The following DGKK variants were observed in gnomAD, a reference collection of about 807,000 sequenced individuals.
DGKK encodes the protein 142 kDa diacylglycerol kinase.
A neutral mutation model predicts 92.2 loss-of-function variants in DGKK; 35 were observed. That is an observed-to-expected ratio of 0.38 (90% confidence interval 0.29 to 0.50). The LOEUF is 0.50. DGKK is among the 20% of genes least tolerant of loss of function. The probability of loss-of-function intolerance (pLI) is 0.92; values close to 1 mark genes in which losing one functional copy is unlikely to be tolerated. For synonymous variants in DGKK, 368 were observed against 360.6 expected (o/e 1.02, Z -0.23); for missense variants, 910 against 992.2 (o/e 0.92, Z 1.11).
chrX:50,432,264 G>A (rs1471810521), intron 1 of DGKK, among the ~76,000 whole-genome samples: 1 of 112,363 alleles, frequency 8.9e-6, no homozygotes, highest in East Asian at 2.8e-4. Flanking sequence ...ATAGATGAAC[G>A]TCTGTGTCCC....
rs1162284154 is a variant in DGKK, at chrX:50,391,704, A to T, written c.1705-128T>A. ...AACCAGTGGATTTACGGGACTTCAGATTCTGGGGAAGGTAATGAGAGGATG... is the reference window on the plus strand; with the variant it reads ...AACCAGTGGATTTACGGGACTTCAGTTTCTGGGGAAGGTAATGAGAGGATG... On this transcript the variant is annotated intron_variant, in intron 10 of 27. Transcript: ENST00000611977. The T allele has an allele frequency of 4.0e-6, 3 of 748,115 alleles. No homozygotes were observed. The African/African-American group carries it at 6.4e-5, about 16-fold the overall frequency. 61.7% of individuals were successfully genotyped at this position (748,115 alleles called of 1,213,427 possible).
chrX:50,369,091 A>C, intron 27 of DGKK, 72 bp from the exon 28 acceptor site: 2 of 778,573 alleles, frequency 2.6e-6, no homozygotes, highest in Non-Finnish European at 3.8e-6. Context: ...ATGTGGACCC[A>C]AAAGAGAGCA....
intron 11 of DGKK, 128 bp downstream of exon 11, chrX:50,391,309 G>T: frequency 2.2e-6 from 2 of 913,476 alleles, no homozygotes; most frequent in Admixed American, 2.7e-5. Flanking sequence ...CCCACAAATG[G>T]CTCTGCACTG....
intron 25 of DGKK, among the ~76,000 whole-genome samples, chrX:50,372,259 A>T (rs1924154904): frequency 8.9e-6 from 1 of 111,894 alleles, no homozygotes; most frequent in South Asian, 3.8e-4. Context: ...CGGTAACCTT[A>T]CAATACCTTA....
At position 50,379,627 on chromosome X, in the gene DGKK, C is replaced by T. The variant is rs782426023; in HGVS notation, c.2862G>A (p.Thr954=). The part of the protein sequence containing the change: ...INFWGSNTAT[T]EYEAPAIDDG... ...TCCCCATTCCTTGTTCCATACTAAC[C>T]GTGGTTGCTGTGTTGCTTCCCCAGA... is the stretch of plus-strand genomic sequence containing the variant. Residue 954 remains threonine (T), a splice_region_variant and synonymous_variant, in exon 20 of 28, where the codon ACG becomes ACA. Transcript: ENST00000611977. The T allele has an allele frequency of 2.5e-6, 3 of 1,202,567 alleles. No homozygotes were observed. Among genetic ancestry groups the T allele is most frequent in the South Asian group, 3.5e-5 (2 of 56,704 alleles).
At chrX:50,384,374 T>A in intron 16 of DGKK, 110 bp from the exon 17 acceptor site, 1 of 493,433 alleles carries the variant, frequency 2.0e-6, no homozygotes, top group Non-Finnish European at 3.3e-6. Flanking sequence ...GCTCAGTGAC[T>A]TTCTCCTAGA....
chrX:50,439,344 G>A (rs905796252), intron 1 of DGKK, among the ~76,000 whole-genome samples: 1 of 111,431 alleles, frequency 9.0e-6, no homozygotes, highest in Non-Finnish European at 1.9e-5. Context: ...TATTAGGTGT[G>A]TGTCCTTGGG....
chrX:50,464,581 C>CT (rs1161921481), intron 1 of DGKK, among the ~76,000 whole-genome samples: 4 of 108,234 alleles, frequency 3.7e-5, no homozygotes, highest in East Asian at 2.9e-4. Context: ...TCCTTAATTT[C>CT]TTTTTTTTTA....
Position 50,368,957 on chromosome X carries a change from A to G in DGKK, c.3799T>C (p.Ser1267Pro). Residue 1267 changes from serine to proline, a missense_variant, in exon 28 of 28, where the codon TCG (serine) becomes CCG (proline). Ser to Pro is a moderately conservative substitution (Grantham distance 74). Transcript: ENST00000611977. ...TTCAAGGGCTACAGTTGAGATCTCG[A>G]TGGTGTTAGAGGATCATCACCCTCT... ...EAEGDDPLTP[S>P]RSQL is the part of the protein sequence containing the mutation. 3 of 1,207,338 alleles carry G rather than the reference A, an allele frequency of 2.5e-6. No individual in the cohort carries two copies. Among genetic ancestry groups the G allele is most frequent in the Non-Finnish European group, 3.4e-6 (3 of 893,350 alleles).
Position 50,393,218 on chromosome X carries a change from C to T in DGKK, c.1529G>A (p.Arg510Gln), listed in dbSNP as rs373977703. 1.6e-5 allele frequency: 19 copies of T among 1,208,147 alleles called. No individual in the cohort carries two copies. Among genetic ancestry groups the T allele is most frequent in the East Asian group, 8.9e-5 (3 of 33,743 alleles). Residue 510 changes from arginine (R) to glutamine (Q), a missense_variant, in exon 9 of 28, where the codon CGA becomes CAA. By Grantham distance (43) the Arg-to-Gln change is conservative. Coordinates refer to ENST00000611977, the MANE Select transcript of DGKK (RefSeq NM_001013742.4). ...SGDHQGIVFL[R>Q]KFKQYLNPSQ... ...TGGGTTAAGGTATTGCTTGAATTTTCGGAGGAAGACGATCCCCTGATGATC... is the reference window on the plus strand; with the variant it reads ...TGGGTTAAGGTATTGCTTGAATTTTTGGAGGAAGACGATCCCCTGATGATC...
chrX:50,425,358 T>TAAAA (rs200662307), intron 1 of DGKK, among the ~76,000 whole-genome samples: 21 of 108,090 alleles, frequency 1.9e-4, no homozygotes, highest in African/African-American at 5.1e-4. Flanking sequence ...TCTTTTTTTT[T>TAAAA]AAAAAAAATT....
At chrX:50,390,943 T>A (rs1275794988) in intron 11 of DGKK, among the ~76,000 whole-genome samples, 1 of 111,908 alleles carries the variant, frequency 8.9e-6, no homozygotes, top group East Asian at 2.8e-4. Context: ...ATCCCTTTTT[T>A]AGTTTCTTTG....
chrX:50,427,316 A>G (rs1193848694), intron 1 of DGKK, among the ~76,000 whole-genome samples: 1 of 111,025 alleles, frequency 9.0e-6, no homozygotes, highest in African/African-American at 3.3e-5. Context: ...CTATAGGGAC[A>G]GTAAAAAAAC....
chrX:50,395,877 G>A (rs1456673941), intron 8 of DGKK, among the ~76,000 whole-genome samples: 1 of 109,886 alleles, frequency 9.1e-6, no homozygotes, highest in African/African-American at 3.3e-5. Context: ...AAGAATGGAC[G>A]TGCTGAGTGA....
chrX:50,402,396 C>T (rs370754635), intron 7 of DGKK, among the ~76,000 whole-genome samples: 6 of 111,407 alleles, frequency 5.4e-5, no homozygotes, highest in African/African-American at 6.5e-5. Flanking sequence ...CCAGCCTGGG[C>T]GGCATAGTGA....
chrX:50,384,107 A>G (rs782203411), intron 17 of DGKK, 61 bp downstream of exon 17: 1 of 756,016 alleles, frequency 1.3e-6, no homozygotes, highest in African/African-American at 2.2e-5. Flanking sequence ...ATATCCTAAG[A>G]TTGTGCTCTT....
chrX:50,370,864 A>G (rs781873456), intron 26 of DGKK, among the ~76,000 whole-genome samples: 5 of 112,411 alleles, frequency 4.4e-5, no homozygotes, highest in African/African-American at 6.5e-5. Flanking sequence ...GGAGAGGTTA[A>G]ATATTTCACC....
At chrX:50,401,669 T>C (rs1257357858) in intron 7 of DGKK, among the ~76,000 whole-genome samples, 1 of 110,204 alleles carries the variant, frequency 9.1e-6, no homozygotes, top group East Asian at 2.9e-4. Flanking sequence ...TCCAGATTTC[T>C]GACATCTTCA....
At chrX:50,370,282 CACTT>C (rs1219518138) in intron 27 of DGKK, 140 bp downstream of exon 27, 5 of 689,267 alleles carry the variant, frequency 7.3e-6, no homozygotes, top group Non-Finnish European at 1.0e-5. Flanking sequence ...GGCTTGGTAT[CACTT>C]ACTGCTGACT....
Sources: allele counts gnomAD v4.1 joint callset (sites outside exome capture counted in the v4.1 genomes callset), GRCh38; gene constraint gnomAD v4.1.1; transcripts MANE v1.5; gene names NCBI Gene and HGNC (gene_info 2026-07-23, HGNC 2026-07-21).